PCDHA1: variants seen among roughly 807,000 people sequenced by gnomAD.
PCDHA1 encodes the protein protocadherin alpha-1.
Under a neutral mutation model 61.3 loss-of-function variants are expected in PCDHA1, and 42 were observed. That is an observed-to-expected ratio of 0.69 (90% CI 0.54 to 0.89). The LOEUF is 0.89. Among genes scored for constraint, PCDHA1 ranks in the 40% least tolerant of loss-of-function variants. The pLI is 0.00. For synonymous variants in PCDHA1, 610 were observed against 553.8 expected (o/e 1.10, Z -1.43); for missense variants, 1,256 against 1,235.3 (o/e 1.02, Z -0.25).
At chr5:140,845,671 T>C (rs1293125751) in intron 1 of PCDHA1, among the ~76,000 whole-genome samples, 5 of 149,692 alleles carry the variant, frequency 3.3e-5, no homozygotes, top group Non-Finnish European at 4.5e-5. Flanking sequence ...GTGTAGCCAT[T>C]GGTAAAGGAT....
chr5:140,869,484 C>G (rs782167038), intron 1 of PCDHA1: 2 of 1,613,948 alleles, frequency 1.2e-6, no homozygotes, highest in Non-Finnish European at 1.7e-6. Context: ...AGGACATTAA[C>G]GACAACCCGC....
chr5:141,000,405 A>C lies in PCDHA1; in HGVS notation c.2543-9222A>C, dbSNP rs1290838400. Among the ~76,000 whole-genome samples the C allele has an allele frequency of 7.9e-5, 7 of 88,832 alleles. No individual in the cohort carries two copies. In the East Asian group the frequency reaches 9.8e-4, roughly 12 times the overall value. The allele number at this position is 88,832 out of a possible 152,430, so 58.3% of individuals were successfully genotyped here. On this transcript the variant is annotated intron_variant, in intron 3 of 3. Transcript: ENST00000504120. ...TCTCTCTCTCTCTCTCTATATATAT[A>C]TATATATATATATATATTTTTTTTT...
At chr5:140,793,534 C>A (rs1340039711) in intron 1 of PCDHA1, among the ~76,000 whole-genome samples, 2 of 152,192 alleles carry the variant, frequency 1.3e-5, no homozygotes, top group Non-Finnish European at 2.9e-5. Context: ...CTCTTACGGA[C>A]ATTGCAAATT....
intron 1 of PCDHA1, among the ~76,000 whole-genome samples, chr5:140,826,940 G>A (rs1769124499): frequency 6.6e-6 from 1 of 152,040 alleles, no homozygotes; most frequent in South Asian, 2.1e-4. Context: ...AGGTGGATGT[G>A]GAATAAGGCA....
intron 1 of PCDHA1, chr5:140,967,556 G>A (rs1586226034): frequency 6.2e-7 from 1 of 1,614,030 alleles, no homozygotes; most frequent in East Asian, 2.2e-5. Context: ...CACTTATCGC[G>A]TCCAGCTACG....
intron 1 of PCDHA1, chr5:140,861,856 A>G (rs1225378019): frequency 1.3e-5 from 2 of 156,674 alleles, no homozygotes; most frequent in Admixed American, 1.3e-4. Context: ...TGGTGCTCAA[A>G]GCAACTGATG....
At chr5:140,791,353 C>T (rs1761642441) in intron 1 of PCDHA1, among the ~76,000 whole-genome samples, 1 of 152,196 alleles carries the variant, frequency 6.6e-6, no homozygotes, top group Non-Finnish European at 1.5e-5. Context: ...TACATAAGCA[C>T]TGGTTGATAC....
At position 140,787,395 on chromosome 5, in the gene PCDHA1, A is replaced by C; in HGVS notation, c.1105A>C (p.Ile369Leu). 1 of 1,614,238 alleles carries C rather than the reference A, an allele frequency of 6.2e-7. No individual in the cohort carries two copies. Among genetic ancestry groups the C allele is most frequent in the Non-Finnish European group, 8.5e-7 (1 of 1,180,038 alleles). Residue 369 changes from isoleucine (I) to leucine (L), a missense_variant, in exon 1 of 4, where the codon ATC (isoleucine) becomes CTC (leucine). Transcript: ENST00000504120. ...IREDAPLSTV[I>L]ALITVSDRDS... ...AGAGGACGCTCCACTCAGCACCGTC[A>C]TCGCCCTCATCACCGTGTCTGACCG...
At chr5:140,796,695 G>T in intron 1 of PCDHA1, 1 of 1,613,990 alleles carries the variant, frequency 6.2e-7, no homozygotes, top group Non-Finnish European at 8.5e-7. Flanking sequence ...CTGGCGCAGT[G>T]AGTGAGCTGG....
intron 1 of PCDHA1, chr5:140,835,471 C>G: frequency 6.2e-7 from 1 of 1,613,934 alleles, no homozygotes. Context: ...CCAGAGGACG[C>G]CCAACCAGGT....
At chr5:140,967,107 G>C (rs782199698) in intron 1 of PCDHA1, 1 of 1,612,994 alleles carries the variant, frequency 6.2e-7, no homozygotes. Flanking sequence ...TGTGAGCAGC[G>C]GCCTCGCTGC....
intron 1 of PCDHA1, among the ~76,000 whole-genome samples, chr5:140,827,392 T>G (rs1346969043): frequency 6.6e-6 from 1 of 152,178 alleles, no homozygotes; most frequent in Non-Finnish European, 1.5e-5. Context: ...TGCAGATAAA[T>G]TAAATGTGAT....
At chr5:140,888,870 A>G (rs2062015576) in intron 1 of PCDHA1, among the ~76,000 whole-genome samples, 1 of 152,158 alleles carries the variant, frequency 6.6e-6, no homozygotes, top group Non-Finnish European at 1.5e-5. Flanking sequence ...ATGTCTCAAC[A>G]TAAAAATTAA....
chr5:140,914,771 ACTTAT>A (rs1394572780), intron 1 of PCDHA1, among the ~76,000 whole-genome samples: 1 of 151,760 alleles, frequency 6.6e-6, no homozygotes, highest in Non-Finnish European at 1.5e-5. Context: ...GAGGTTTATG[ACTTAT>A]CTTATGACCC....
At chr5:140,871,315 C>A (rs908582761) in intron 1 of PCDHA1, 1 of 1,613,928 alleles carries the variant, frequency 6.2e-7, no homozygotes, top group African/African-American at 1.3e-5. Context: ...GAAGCCCACG[C>A]TGGTGTGCTC....
intron 1 of PCDHA1, among the ~76,000 whole-genome samples, chr5:140,976,093 A>G (rs782314077): frequency 6.6e-6 from 1 of 152,238 alleles, no homozygotes; most frequent in African/African-American, 2.4e-5. Context: ...TCAGTAGTCA[A>G]CTTTTCAACT....
At chr5:140,934,684 A>G (rs1026507859) in intron 1 of PCDHA1, among the ~76,000 whole-genome samples, 1 of 152,178 alleles carries the variant, frequency 6.6e-6, no homozygotes, top group African/African-American at 2.4e-5. Context: ...TATTCAAAAC[A>G]ATGAATTGAT....
rs532781317 is a variant in PCDHA1, at chr5:140,854,917, G to A, written c.2394+66233G>A. 4.6e-4 allele frequency among the ~76,000 whole-genome samples: 69 copies of A among 149,868 alleles called. 3 individuals are homozygous for A. Among genetic ancestry groups the A allele is most frequent in the South Asian group, 2.8e-3 (13 of 4,714 alleles). ...AAGCGTAAATATAACAGGGTTGAAA[G>A]CATTTGCCTCTGAAAGCAGAAATAA... On this transcript the variant is annotated intron_variant, in intron 1 of 3. Transcript: ENST00000504120.
Position 141,009,979 on chromosome 5 carries a change from T to C in PCDHA1, c.*42T>C. 2.5e-6 allele frequency: 4 copies of C among 1,583,392 alleles called. No individual in the cohort carries two copies. Among genetic ancestry groups the C allele is most frequent in the Non-Finnish European group, 3.4e-6 (4 of 1,168,152 alleles). On this transcript the variant is annotated 3_prime_UTR_variant, in exon 4 of 4. Coordinates refer to ENST00000504120, the MANE Select transcript of PCDHA1 (RefSeq NM_018900.4). The stretch of plus-strand genomic sequence containing the variant: ...CAAGCCACTTAGCCAGTTTTTGTAA[T>C]AATGGCAAATCTCTCCCATGTAGCA...
Sources: gnomAD v4.1 joint callset for allele counts (sites outside exome capture counted in the v4.1 genomes callset) on GRCh38, gnomAD v4.1.1 for gene constraint, MANE v1.5 for transcripts, NCBI Gene and HGNC (gene_info 2026-07-23, HGNC 2026-07-21) for gene names.